The following SEC31A variants were observed in gnomAD, a reference collection of about 807,000 sequenced individuals.
SEC31A encodes SEC31 homolog A, COPII component, also known as protein transport protein Sec31A.
A neutral mutation model predicts 151.0 loss-of-function variants in SEC31A; 70 were observed. That is an observed-to-expected ratio of 0.46 (90% CI 0.38 to 0.57). The LOEUF is 0.57. Among genes scored for constraint, SEC31A ranks in the 20% least tolerant of loss-of-function variants. SEC31A has a pLI of 0.00. For missense variants in SEC31A, 1,330 were observed against 1,471.2 expected (o/e 0.90, Z 1.57); for synonymous variants, 475 against 505.9 (o/e 0.94, Z 0.82).
rs1475058367 is a variant in SEC31A at position 82,825,076 on chromosome 4, A to G, written c.3292-402T>C. On this transcript the variant is annotated intron_variant, in intron 24 of 26. Transcript: ENST00000395310. ...TTGGCTCATTTACGTGTATGCTGGC[A>G]TTCTTCTATTCTTTGTTTTACTCTT... Among the ~76,000 whole-genome samples, 8 of 152,218 alleles carry G rather than the reference A, an allele frequency of 5.3e-5. No individual in the cohort carries two copies. The South Asian group carries it at 1.2e-3, about 24-fold the overall frequency.
chr4:82,896,923 T>G (rs1720087247), intron 3 of SEC31A, among the ~76,000 whole-genome samples: 1 of 152,196 alleles, frequency 6.6e-6, no homozygotes, highest in Non-Finnish European at 1.5e-5. Flanking sequence ...CTTGCTACTC[T>G]TTTCCTTCTG....
intron 1 of SEC31A, among the ~76,000 whole-genome samples, chr4:82,887,047 T>C (rs1348445304): frequency 2.0e-5 from 3 of 152,210 alleles, no homozygotes; most frequent in South Asian, 2.1e-4. Context: ...CAGTTTCAGA[T>C]AAAACATTTA....
At chr4:82,830,150 G>A (rs1469877548) in intron 22 of SEC31A, among the ~76,000 whole-genome samples, 1 of 152,134 alleles carries the variant, frequency 6.6e-6, no homozygotes, top group Non-Finnish European at 1.5e-5. Context: ...AACCACCAGC[G>A]CTTACTTGTC....
chr4:82,845,993 T>C (rs550573253), intron 20 of SEC31A, among the ~76,000 whole-genome samples: 5 of 151,606 alleles, frequency 3.3e-5, no homozygotes, highest in African/African-American at 1.2e-4. Context: ...ATTGTTTTTT[T>C]GTTTGTTTGT....
intron 1 of SEC31A, among the ~76,000 whole-genome samples, chr4:82,889,190 T>C (rs2125965000): frequency 6.6e-6 from 1 of 152,360 alleles, no homozygotes; most frequent in South Asian, 2.1e-4. Context: ...TTCAGTATAA[T>C]AAAACTTTTT....
Position 82,824,614 on chromosome 4 carries a change from T to C in SEC31A, c.3352A>G (p.Ile1118Val), listed in dbSNP as rs1724124389. 6.2e-7 allele frequency: 1 copy of C among 1,613,972 alleles called. No individual in the cohort carries two copies. Among genetic ancestry groups the C allele is most frequent in the Admixed American group, 1.7e-5 (1 of 59,998 alleles). Residue 1118 changes from isoleucine (I) to valine (V), a missense_variant, in exon 25 of 27, where the codon ATT becomes GTT. Ile to Val is a conservative substitution (Grantham distance 29). Coordinates refer to ENST00000395310, the MANE Select transcript of SEC31A (RefSeq NM_001077207.4). ...AGATCCTCAAATGTGGTCTTTAGAA[T>C]GAGGTGCTCATCTGGAATAGGTTTC... is the stretch of plus-strand genomic sequence containing the variant. Reference protein sequence around the residue: ...TKKPIPDEHLILKTTFEDLIQ... With the variant: ...TKKPIPDEHLVLKTTFEDLIQ...
At position 82,882,131 on chromosome 4, in the gene SEC31A, G is replaced by A. The variant is rs115325208; in HGVS notation, c.-4-191C>T. The stretch of plus-strand genomic sequence containing the variant: ...TTAGAAAGAAGACAAACTTGAGGCC[G>A]GGTGGCTCATGCCTGTAATCCCAGC... On this transcript the variant is annotated intron_variant, in intron 1 of 26. Coordinates refer to ENST00000395310, the MANE Select transcript of SEC31A (RefSeq NM_001077207.4). Among the ~76,000 whole-genome samples, 719 of 152,196 alleles carry A rather than the reference G, an allele frequency of 4.7e-3. 3 individuals carry two copies. The highest frequency in any genetic ancestry group is 8.1e-3 in the Non-Finnish European group (553 of 68,008).
intron 19 of SEC31A, among the ~76,000 whole-genome samples, 199 bp downstream of exon 19, chr4:82,851,232 T>C (rs1731380832): frequency 1.3e-5 from 2 of 152,232 alleles, no homozygotes; most frequent in South Asian, 4.1e-4. Flanking sequence ...ACTGCAAGAT[T>C]ATCCTATCTC....
chr4:82,840,927 T>A (rs900889972), intron 22 of SEC31A, among the ~76,000 whole-genome samples: 1 of 152,180 alleles, frequency 6.6e-6, no homozygotes, highest in Non-Finnish European at 1.5e-5. Context: ...CCTAGGACAT[T>A]ACTATACACT....
At chr4:82,889,975 C>G (rs185717960) in intron 1 of SEC31A, among the ~76,000 whole-genome samples, 9 of 152,072 alleles carry the variant, frequency 5.9e-5, no homozygotes, top group Middle Eastern at 3.4e-3. Context: ...TGCCTGTAAC[C>G]CCAGCACTTC....
At chr4:82,842,608 A>T (rs779825030) in intron 21 of SEC31A, 127 bp from the exon 22 acceptor site, 31 of 723,650 alleles carry the variant, frequency 4.3e-5, no homozygotes, top group Non-Finnish European at 6.9e-5. Context: ...ATCCCAAATT[A>T]AAAATTTACA....
chr4:82,893,284 G>C (rs1164207269), upstream of SEC31A: 3 of 152,192 alleles, frequency 2.0e-5, no homozygotes, highest in African/African-American at 7.2e-5. Context: ...GCCCATACTG[G>C]TCTGGAACTC....
chr4:82,859,530 A>C (rs1281542758), intron 14 of SEC31A, among the ~76,000 whole-genome samples: 3 of 152,204 alleles, frequency 2.0e-5, no homozygotes, highest in African/African-American at 7.2e-5. Context: ...GAATGTAAAT[A>C]TCTAGTATTC....
At chr4:82,835,522 C>T (rs182889795) in intron 22 of SEC31A, among the ~76,000 whole-genome samples, 4 of 152,212 alleles carry the variant, frequency 2.6e-5, no homozygotes, top group African/African-American at 9.6e-5. Context: ...TAAGGTCAGG[C>T]GTGGTGGCTT....
chr4:82,892,234 A>G (rs1201519619), upstream of SEC31A, among the ~76,000 whole-genome samples: 1 of 152,254 alleles, frequency 6.6e-6, no homozygotes, highest in Non-Finnish European at 1.5e-5. Flanking sequence ...AACTAAGGTT[A>G]TCACTTTGGC....
intron 1 of SEC31A, among the ~76,000 whole-genome samples, chr4:82,886,648 G>C (rs7682147): frequency 6.6e-6 from 1 of 152,154 alleles, no homozygotes; most frequent in Non-Finnish European, 1.5e-5. Flanking sequence ...TGTCTCACCT[G>C]ATCTTTAATA....
At position 82,836,032 on chromosome 4, in the gene SEC31A, T is replaced by C. The variant is rs77321070; in HGVS notation, c.2968+6108A>G. On this transcript the variant is annotated intron_variant, in intron 22 of 26. Coordinates refer to ENST00000395310, the MANE Select transcript of SEC31A (RefSeq NM_001077207.4). ...ACAGTGTGGTGGTTCCTCAAAAAACTAAATGTGGAATTACTGTTTGATCCA... is the reference window on the plus strand; with the variant it reads ...ACAGTGTGGTGGTTCCTCAAAAAACCAAATGTGGAATTACTGTTTGATCCA... Among the ~76,000 whole-genome samples the C allele has an allele frequency of 7.3e-3, 1,117 of 152,188 alleles. 15 individuals are homozygous for C. Among genetic ancestry groups the C allele is most frequent in the Middle Eastern group, 0.01 (3 of 294 alleles).
chr4:82,875,893 G>T, intron 4 of SEC31A, 71 bp from the exon 5 acceptor site: 1 of 790,348 alleles, frequency 1.3e-6, no homozygotes, highest in Non-Finnish European at 2.0e-6. Flanking sequence ...TCAGTTCAGA[G>T]CTAGAAAGAT....
At chr4:82,827,912 C>G (rs1032643034) in intron 23 of SEC31A, among the ~76,000 whole-genome samples, 9 of 151,404 alleles carry the variant, frequency 5.9e-5, no homozygotes, top group Admixed American at 5.9e-4. Flanking sequence ...GGAGCTAAAA[C>G]CATGGCTTTT....
Sources: allele counts gnomAD v4.1 joint callset (sites outside exome capture counted in the v4.1 genomes callset), GRCh38; gene constraint gnomAD v4.1.1; transcripts MANE v1.5; gene names NCBI Gene and HGNC (gene_info 2026-07-23, HGNC 2026-07-21).